PTPRG: variants seen among roughly 807,000 people sequenced by gnomAD.
PTPRG encodes protein tyrosine phosphatase receptor type G.
A neutral mutation model predicts 165.3 loss-of-function variants in PTPRG; 102 were observed. The observed-to-expected ratio is 0.62, with a 90% CI of 0.53 to 0.73. PTPRG has a LOEUF of 0.73. Among genes scored for constraint, PTPRG ranks in the 30% least tolerant of loss-of-function variants. The pLI, the probability that PTPRG is intolerant of heterozygous loss-of-function variation, is 0.00. For missense variants in PTPRG, 1,866 were observed against 1,861.4 expected, an observed-to-expected ratio of 1.00 and a Z score of -0.05; for synonymous variants, 675 against 669.5, an observed-to-expected ratio of 1.01 and a Z score of -0.13.
At chr3:61,626,572 G>A (rs563285402) in intron 1 of PTPRG, among the ~76,000 whole-genome samples, 1 of 152,258 alleles carries the variant, frequency 6.6e-6, no homozygotes, top group East Asian at 1.9e-4. Flanking sequence ...ATGACATTGC[G>A]GTTAGCACTG....
chr3:61,774,859 G>A (rs1366597017), intron 2 of PTPRG, among the ~76,000 whole-genome samples: 1 of 152,130 alleles, frequency 6.6e-6, no homozygotes, highest in Non-Finnish European at 1.5e-5. Context: ...GGGAATGGAC[G>A]ACTGAGTGAC....
intron 2 of PTPRG, among the ~76,000 whole-genome samples, chr3:61,976,800 C>T (rs1019832003): frequency 7.9e-5 from 12 of 151,432 alleles, no homozygotes; most frequent in Non-Finnish European, 1.5e-4. Context: ...CTCAGCCTCC[C>T]GAGTAGCTGG....
intron 1 of PTPRG, among the ~76,000 whole-genome samples, chr3:61,612,379 C>T (rs2106875607): frequency 6.6e-6 from 1 of 152,324 alleles, no homozygotes; most frequent in Middle Eastern, 3.4e-3. Context: ...ACAATTCCAT[C>T]CAGTTGAGCA....
intron 2 of PTPRG, among the ~76,000 whole-genome samples, chr3:61,984,672 G>A (rs1359153681): frequency 6.6e-6 from 1 of 152,190 alleles, no homozygotes; most frequent in African/African-American, 2.4e-5. Flanking sequence ...AACCCAACAT[G>A]GGTGTGTTTA....
chr3:62,068,435 C>T (rs541015497), intron 4 of PTPRG, among the ~76,000 whole-genome samples: 15 of 152,210 alleles, frequency 9.9e-5, no homozygotes, highest in Admixed American at 6.5e-5. Context: ...GGAATGAATG[C>T]AAAACAGGGC....
rs186232236 is a variant in PTPRG at position 62,124,167 on chromosome 3, C to T, written c.616-8435C>T. 9.1e-4 allele frequency: 633 copies of T among 695,202 alleles called. 3 individuals are homozygous for T. Among genetic ancestry groups the T allele is most frequent in the East Asian group, 6.3e-3 (248 of 39,608 alleles). 43.1% of individuals were successfully genotyped at this position (695,202 alleles called of 1,614,324 possible). A position where few individuals can be genotyped will look rare whatever the true frequency, so the allele number is the denominator to read the frequency against. On this transcript the variant is annotated intron_variant, in intron 5 of 29. Transcript: ENST00000474889. ...AAAGGTTCTGTGAATTTGTTGTTGT[C>T]GTTGTTGTGCAAAGAAAAAAAAGAA...
rs373055317 is a variant in PTPRG, at chr3:61,974,017, TGAA to T, written c.191-15604_191-15602del. ...TATTAGTGATATTTAAACAGGTAGTTGAAGAACTGTGGAACCAACACCACAGAG... is the reference window on the plus strand; with the variant it reads ...TATTAGTGATATTTAAACAGGTAGTTGAACTGTGGAACCAACACCACAGAG... On this transcript the variant is annotated intron_variant, in intron 2 of 29. Transcript: ENST00000474889. 4.6e-5 allele frequency among the ~76,000 whole-genome samples: 7 copies of T among 152,224 alleles called. No individual in the cohort carries two copies. In the East Asian group the frequency reaches 1.4e-3, roughly 29 times the overall value.
chr3:61,740,351 G>C (rs564775848), intron 1 of PTPRG, among the ~76,000 whole-genome samples: 1 of 152,260 alleles, frequency 6.6e-6, no homozygotes, highest in African/African-American at 2.4e-5. Context: ...GTGAGAAAGA[G>C]GGAACCATGG....
At chr3:61,644,550 C>G (rs1350413980) in intron 1 of PTPRG, among the ~76,000 whole-genome samples, 2 of 152,148 alleles carry the variant, frequency 1.3e-5, no homozygotes, top group Non-Finnish European at 2.9e-5. Context: ...AGCTCCATCA[C>G]TAAGGATACG....
intron 2 of PTPRG, among the ~76,000 whole-genome samples, chr3:61,799,963 T>C (rs898191565): frequency 3.3e-5 from 5 of 152,190 alleles, no homozygotes; most frequent in African/African-American, 7.2e-5. Context: ...CTAGGGTGGG[T>C]GTGAATTCCA....
rs772588126 is a variant in PTPRG at position 61,748,918 on chromosome 3, A to C, written c.126A>C (p.Arg42Ser). 1 of 1,613,520 alleles carries C rather than the reference A, an allele frequency of 6.2e-7. No individual in the cohort carries two copies. Among genetic ancestry groups the C allele is most frequent in the African/African-American group, 1.3e-5 (1 of 74,958 alleles). Residue 42 changes from arginine to serine, a missense_variant, in exon 2 of 30, where the codon AGA (arginine) becomes AGC (serine). Arg to Ser is a moderately radical substitution (Grantham distance 110). Transcript: ENST00000474889. ...EGYVGALHEN[R>S]HGSAVQIRRR... ...ACGTTGGGGCCCTGCACGAGAATAG[A>C]CACGGCAGCGCAGTGCAGATCCGCA...
chr3:61,608,853 CT>C (rs893675989), intron 1 of PTPRG, among the ~76,000 whole-genome samples: 9 of 152,278 alleles, frequency 5.9e-5, no homozygotes, highest in African/African-American at 1.9e-4. Flanking sequence ...ATTTCATCGT[CT>C]TTACGCTGAG....
chr3:61,856,029 T>C (rs1430425195), intron 2 of PTPRG, among the ~76,000 whole-genome samples: 1 of 152,148 alleles, frequency 6.6e-6, no homozygotes, highest in East Asian at 1.9e-4. Flanking sequence ...ATGTTTTCCT[T>C]ATTGATTGGG....
At chr3:61,726,227 G>A (rs2032248101) in intron 1 of PTPRG, among the ~76,000 whole-genome samples, 1 of 152,160 alleles carries the variant, frequency 6.6e-6, no homozygotes. Flanking sequence ...TATGTGTAGT[G>A]GCTTTGTTTT....
chr3:62,070,486 C>T (rs1335879308), intron 4 of PTPRG, among the ~76,000 whole-genome samples: 1 of 152,182 alleles, frequency 6.6e-6, no homozygotes, highest in Non-Finnish European at 1.5e-5. Context: ...AAATAAATTA[C>T]TAGTATTTAC....
chr3:62,057,685 G>A (rs1700678054), intron 4 of PTPRG, among the ~76,000 whole-genome samples: 1 of 152,170 alleles, frequency 6.6e-6, no homozygotes, highest in Admixed American at 6.5e-5. Flanking sequence ...GCTGATGTAT[G>A]GGAGTCCAGT....
chr3:61,816,149 G>C (rs1434605464), intron 2 of PTPRG, among the ~76,000 whole-genome samples: 1 of 152,180 alleles, frequency 6.6e-6, no homozygotes, highest in Non-Finnish European at 1.5e-5. Flanking sequence ...CAGGGATGAA[G>C]TTCAAATAGC....
chr3:62,293,568 A>G lies in PTPRG; in HGVS notation c.*261A>G, dbSNP rs1280263985. 3.5e-6 allele frequency: 1 copy of G among 286,706 alleles called. No homozygotes were observed. The highest frequency in any genetic ancestry group is 6.4e-6 in the Non-Finnish European group (1 of 155,314). The allele number at this position is 286,706 out of a possible 1,614,324, so 17.8% of individuals were successfully genotyped here. Reference sequence around the variant, plus strand: ...GTGTTACTGCCTATAATCTTATACAACAGCAAACCCTGATGTGACATTCCA... The same window carrying G: ...GTGTTACTGCCTATAATCTTATACAGCAGCAAACCCTGATGTGACATTCCA... On this transcript the variant is annotated 3_prime_UTR_variant, in exon 30 of 30. Transcript: ENST00000474889.
intron 2 of PTPRG, among the ~76,000 whole-genome samples, chr3:61,838,248 C>T (rs576907472): frequency 5.5e-4 from 84 of 152,294 alleles, no homozygotes; most frequent in South Asian, 1.9e-3. Flanking sequence ...GAAGGTTGTG[C>T]TGTTGGGTTA....
Sources: gnomAD v4.1 joint callset for allele counts (sites outside exome capture counted in the v4.1 genomes callset) on GRCh38, gnomAD v4.1.1 for gene constraint, MANE v1.5 for transcripts, NCBI Gene and HGNC (gene_info 2026-07-23, HGNC 2026-07-21) for gene names.